ASIC2: variants seen among roughly 807,000 people sequenced by gnomAD.
The protein encoded by ASIC2 is acid-sensing ion channel 2.
A neutral mutation model predicts 57.3 loss-of-function variants in ASIC2; 25 were observed. The ratio of observed to expected loss-of-function variants is 0.44; its 90% CI spans 0.32 to 0.61. The LOEUF (loss-of-function observed/expected upper bound fraction) is 0.61, where lower values mean the gene tolerates loss of function less well. Among genes scored for constraint, ASIC2 ranks in the 20% least tolerant of loss-of-function variants. ASIC2 has a pLI of 0.06. For synonymous variants in ASIC2, 319 were observed against 307.5 expected (o/e 1.04, Z -0.39); for missense variants, 641 against 738.1 (o/e 0.87, Z 1.52).
At chr17:33,269,774 C>CCTTCCTTCTTTCCTTT (rs1904410066) in intron 1 of ASIC2, among the ~76,000 whole-genome samples, 1 of 149,834 alleles carries the variant, frequency 6.7e-6, no homozygotes, top group African/African-American at 2.5e-5. Context: ...TTCCTTCCTT[C>CCTTCCTTCTTTCCTTT]TTTCCTTTTT....
intron 1 of ASIC2, among the ~76,000 whole-genome samples, chr17:33,664,628 C>T (rs147010843): frequency 2.8e-4 from 43 of 152,224 alleles, no homozygotes; most frequent in African/African-American, 7.5e-4. Flanking sequence ...ATATGGTCCC[C>T]GAGCATCCAG....
chr17:34,075,023 G>A (rs182869597), intron 1 of ASIC2, among the ~76,000 whole-genome samples: 88 of 152,208 alleles, frequency 5.8e-4, no homozygotes, highest in Non-Finnish European at 1.0e-3. Flanking sequence ...GACCTCAGGT[G>A]ATCTGCCCAC....
At chr17:33,334,883 G>A (rs906092744) in intron 1 of ASIC2, among the ~76,000 whole-genome samples, 3 of 152,214 alleles carry the variant, frequency 2.0e-5, no homozygotes, top group Admixed American at 1.3e-4. Context: ...AGCTGCAAAC[G>A]TGCAAGCTGT....
chr17:33,094,767 C>T (rs764280924), intron 2 of ASIC2, among the ~76,000 whole-genome samples: 22 of 152,190 alleles, frequency 1.4e-4, no homozygotes, highest in Admixed American at 3.9e-4. Context: ...GTCCTAGCTC[C>T]GCCCCTTCTA....
At chr17:33,491,488 G>A (rs1210866660) in intron 1 of ASIC2, among the ~76,000 whole-genome samples, 1 of 152,194 alleles carries the variant, frequency 6.6e-6, no homozygotes, top group Non-Finnish European at 1.5e-5. Context: ...TTCTATGGGA[G>A]AGCGGCTAAT....
chr17:33,114,902 T>A (rs2092274741), intron 1 of ASIC2, among the ~76,000 whole-genome samples: 1 of 152,106 alleles, frequency 6.6e-6, no homozygotes, highest in Non-Finnish European at 1.5e-5. Context: ...AGGTGGAGGG[T>A]CTAGCGGGGT....
At chr17:33,384,493 T>A (rs1909604064) in intron 1 of ASIC2, among the ~76,000 whole-genome samples, 1 of 152,160 alleles carries the variant, frequency 6.6e-6, no homozygotes, top group South Asian at 2.1e-4. Context: ...AACTTCCAGG[T>A]GCCATCCACA....
chr17:33,222,857 C>A (rs1247840860), intron 1 of ASIC2, among the ~76,000 whole-genome samples: 2 of 152,154 alleles, frequency 1.3e-5, no homozygotes, highest in East Asian at 3.9e-4. Context: ...ATTCCTACAA[C>A]AAACTTTTCC....
At chr17:34,039,022 G>A (rs538226781) in intron 1 of ASIC2, 1 of 1,614,098 alleles carries the variant, frequency 6.2e-7, no homozygotes, top group South Asian at 1.1e-5. Flanking sequence ...ATCTCTACAC[G>A]CCATCTTCTC....
chr17:33,674,318 C>T (rs1258517344), intron 1 of ASIC2, among the ~76,000 whole-genome samples: 5 of 152,216 alleles, frequency 3.3e-5, no homozygotes, highest in Admixed American at 2.6e-4. Context: ...GATTTTTCTC[C>T]CTTCTTCCAG....
intron 1 of ASIC2, among the ~76,000 whole-genome samples, chr17:33,221,268 G>C (rs745517091): frequency 6.6e-6 from 1 of 152,054 alleles, no homozygotes; most frequent in African/African-American, 2.4e-5. Flanking sequence ...TGCCATTCTG[G>C]GGTGCTTGTG....
chr17:33,155,915 T>C (rs1185502879), intron 1 of ASIC2, among the ~76,000 whole-genome samples: 1 of 152,130 alleles, frequency 6.6e-6, no homozygotes, highest in Admixed American at 6.5e-5. Flanking sequence ...ACTTTTTACT[T>C]AAGGCCCCAA....
chr17:33,671,774 C>T lies in ASIC2; in HGVS notation c.555+484204G>A, dbSNP rs143221039. ...CTATGGCCTGGTCTGGGTCCTGAGT[C>T]GCGAGATGCACCGCTTCATGCTTTT... On this transcript the variant is annotated intron_variant, in intron 1 of 9. Transcript: ENST00000359872. 5.4e-3 allele frequency among the ~76,000 whole-genome samples: 815 copies of T among 152,220 alleles called. 5 individuals are homozygous for T. The highest frequency in any genetic ancestry group is 7.6e-3 in the Non-Finnish European group (517 of 67,978).
At chr17:33,844,977 G>A (rs1041340059) in intron 1 of ASIC2, among the ~76,000 whole-genome samples, 1 of 152,214 alleles carries the variant, frequency 6.6e-6, no homozygotes, top group Non-Finnish European at 1.5e-5. Context: ...TGTAGCCAAT[G>A]TACAGTGAGG....
intron 1 of ASIC2, among the ~76,000 whole-genome samples, chr17:33,258,469 G>C (rs193056554): frequency 1.3e-5 from 2 of 152,170 alleles, no homozygotes; most frequent in African/African-American, 4.8e-5. Context: ...GGTAAGGGAA[G>C]GCTGCTCCCA....
chr17:33,946,183 A>G (rs1904369375), intron 1 of ASIC2, among the ~76,000 whole-genome samples: 1 of 152,194 alleles, frequency 6.6e-6, no homozygotes, highest in Non-Finnish European at 1.5e-5. Context: ...CTGCACATAG[A>G]CCTGCATAAG....
intron 1 of ASIC2, among the ~76,000 whole-genome samples, chr17:33,883,534 T>C (rs1422059226): frequency 6.6e-6 from 1 of 152,134 alleles, no homozygotes; most frequent in African/African-American, 2.4e-5. Context: ...AGCAGCCTCA[T>C]CTAGTGCCCT....
chr17:34,033,400 C>A (rs1907712753), intron 1 of ASIC2, among the ~76,000 whole-genome samples: 1 of 151,964 alleles, frequency 6.6e-6, no homozygotes, highest in South Asian at 2.1e-4. Flanking sequence ...TAAATGCCCA[C>A]AAGAGAAAGC....
At chr17:34,024,423 A>T (rs1301819116) in intron 1 of ASIC2, among the ~76,000 whole-genome samples, 1 of 152,182 alleles carries the variant, frequency 6.6e-6, no homozygotes, top group Non-Finnish European at 1.5e-5. Context: ...TCTTCCTTTT[A>T]GGCAAACCAT....
Sources: gnomAD v4.1 joint callset for allele counts (sites outside exome capture counted in the v4.1 genomes callset) on GRCh38, gnomAD v4.1.1 for gene constraint, MANE v1.5 for transcripts, NCBI Gene and HGNC (gene_info 2026-07-23, HGNC 2026-07-21) for gene names.